MAPKAPK5: variants seen among roughly 807,000 people sequenced by gnomAD.
MAPKAPK5 encodes the protein MAPK activated protein kinase 5.
MAPKAPK5 carries 30 observed loss-of-function variants against 65.1 expected under a neutral mutation model. The ratio of observed to expected loss-of-function variants is 0.46; its 90% CI spans 0.34 to 0.63. The LOEUF is 0.63. MAPKAPK5 is among the 20% of genes least tolerant of loss of function. The pLI is 0.01. For missense variants in MAPKAPK5, 433 were observed against 581.4 expected, an observed-to-expected ratio of 0.74 and a Z score of 2.63; for synonymous variants, 179 against 204.6, an observed-to-expected ratio of 0.87 and a Z score of 1.07.
chr12:111,868,701 T>G (rs1344354714), intron 4 of MAPKAPK5, 52 bp from the exon 5 acceptor site: 4 of 1,387,900 alleles, frequency 2.9e-6, no homozygotes, highest in African/African-American at 3.0e-5. Flanking sequence ...GTTTTTTGTT[T>G]CTTTTTCTTT....
intron 1 of MAPKAPK5, chr12:111,843,386 T>G (rs1355042626): frequency 2.5e-6 from 1 of 397,996 alleles, no homozygotes; most frequent in African/African-American, 2.1e-5. Context: ...AGCAAATGTG[T>G]GTTCGAAAAT....
In MAPKAPK5 at chr12:111,898,792, CAA is replaced by C. The variant is rs2070909961; in HGVS notation, c.*5733_*5734del. ...AATGAGGGAAAGAGGCAGTGGGCCA[CAA>C]AGAACTTTGTCCTTTTCAGAGATCC... On this transcript the variant is annotated 3_prime_UTR_variant, in exon 14 of 14. Transcript: ENST00000550735. The C allele has an allele frequency of 6.6e-6, 1 of 152,102 alleles. No homozygotes were observed. Among genetic ancestry groups the C allele is most frequent in the Non-Finnish European group, 1.5e-5 (1 of 68,016 alleles). 9.4% of individuals were successfully genotyped at this position (152,102 alleles called of 1,614,324 possible).
At chr12:111,857,534 G>C (rs1029912405) in intron 1 of MAPKAPK5, among the ~76,000 whole-genome samples, 1 of 152,158 alleles carries the variant, frequency 6.6e-6, no homozygotes, top group Non-Finnish European at 1.5e-5. Flanking sequence ...GATTACAGAC[G>C]TGAGCCACCG....
rs1043336328 is a variant in MAPKAPK5 at position 111,895,962 on chromosome 12, C to T, written c.*2901C>T. On this transcript the variant is annotated 3_prime_UTR_variant, in exon 14 of 14. Transcript: ENST00000550735. ...TTGTGTTTTTCAGTGAAATGCAAATCTTACAGATCACTTCTTACAGTTAGG... is the reference window on the plus strand; with the variant it reads ...TTGTGTTTTTCAGTGAAATGCAAATTTTACAGATCACTTCTTACAGTTAGG... 1 of 152,158 alleles carries T rather than the reference C, an allele frequency of 6.6e-6. No homozygotes were observed. Among genetic ancestry groups the T allele is most frequent in the African/African-American group, 2.4e-5 (1 of 41,440 alleles). 9.4% of individuals were successfully genotyped at this position (152,158 alleles called of 1,614,324 possible).
At chr12:111,875,204 A>G (rs955144641) in intron 7 of MAPKAPK5, among the ~76,000 whole-genome samples, 3 of 151,654 alleles carry the variant, frequency 2.0e-5, no homozygotes, top group African/African-American at 7.3e-5. Flanking sequence ...TTGAGAGCCT[A>G]AAAGTGGGCA....
At position 111,895,068 on chromosome 12, in the gene MAPKAPK5, A is replaced by G. The variant is rs2070751940; in HGVS notation, c.*2007A>G. On this transcript the variant is annotated 3_prime_UTR_variant, in exon 14 of 14. Coordinates refer to ENST00000550735, the MANE Select transcript of MAPKAPK5 (RefSeq NM_003668.4). Reference sequence around the variant, plus strand: ...TAGATGATAAAAAACAAGTGTCTTAAGAATTACCTTATTACATTGCTTCCT... The same window carrying G: ...TAGATGATAAAAAACAAGTGTCTTAGGAATTACCTTATTACATTGCTTCCT... 6.6e-6 allele frequency: 1 copy of G among 150,888 alleles called. No individual in the cohort carries two copies. The highest frequency in any genetic ancestry group is 2.1e-4 in the South Asian group (1 of 4,748). The allele number at this position is 150,888 out of a possible 1,614,324, so 9.3% of individuals were successfully genotyped here. A position where few individuals can be genotyped will look rare whatever the true frequency, so the allele number is the denominator to read the frequency against.
At position 111,842,737 on chromosome 12, in the gene MAPKAPK5, T is replaced by A; in HGVS notation, c.4T>A (p.Ser2Thr). 1 of 1,363,434 alleles carries A rather than the reference T, an allele frequency of 7.3e-7. No homozygotes were observed. Among genetic ancestry groups the A allele is most frequent in the Non-Finnish European group, 9.5e-7 (1 of 1,051,970 alleles). The allele number at this position is 1,363,434 out of a possible 1,614,324, so 84.5% of individuals were successfully genotyped here. A position where few individuals can be genotyped will look rare whatever the true frequency, so the allele number is the denominator to read the frequency against. The change falls in exon 1 of 14, where the codon TCG (serine) becomes ACG (threonine). Residue 2 changes from serine (S) to threonine (T), a missense_variant. Transcript: ENST00000550735. The part of the protein sequence containing the change: M[S>T]EESDMDKAIK... ...GGCTGTGGGGGCCCCACTGAGTATGTCGGAGGAGAGCGACATGGACAAAGC... is the reference window on the plus strand; with the variant it reads ...GGCTGTGGGGGCCCCACTGAGTATGACGGAGGAGAGCGACATGGACAAAGC...
chr12:111,874,470 G>GTTT (rs79738806), intron 7 of MAPKAPK5, among the ~76,000 whole-genome samples: 5 of 133,396 alleles, frequency 3.7e-5, no homozygotes, highest in East Asian at 4.3e-4. Context: ...TTTGTTTTGG[G>GTTT]TTTTTTTTTT....
intron 4 of MAPKAPK5, among the ~76,000 whole-genome samples, chr12:111,868,339 T>C (rs1164301080): frequency 6.6e-6 from 1 of 152,176 alleles, no homozygotes; most frequent in Non-Finnish European, 1.5e-5. Context: ...GAGGAGCTGC[T>C]AACTATAGTC....
At chr12:111,892,055 A>G (rs2070634128) in intron 13 of MAPKAPK5, among the ~76,000 whole-genome samples, 1 of 152,158 alleles carries the variant, frequency 6.6e-6, no homozygotes, top group African/African-American at 2.4e-5. Flanking sequence ...ATGGAGTCAG[A>G]TAAGTCTGTG....
chr12:111,868,139 T>G (rs1479334101), intron 4 of MAPKAPK5, among the ~76,000 whole-genome samples: 1 of 152,246 alleles, frequency 6.6e-6, no homozygotes, highest in Non-Finnish European at 1.5e-5. Flanking sequence ...AAGAAAGAAA[T>G]CAACATTATT....
Position 111,870,261 on chromosome 12 carries a change from C to G in MAPKAPK5, c.394-10C>G, listed in dbSNP as rs1566250321. ...CTAAGAAGCGACTGTTTCATTGTGT[C>G]TTTTTTCAGATAGCTTTGGCTCTGC... On this transcript the variant is annotated splice_polypyrimidine_tract_variant and intron_variant, in intron 5 of 13. Transcript: ENST00000550735. 3.2e-6 allele frequency: 5 copies of G among 1,585,318 alleles called. No individual in the cohort carries two copies. The highest frequency in any genetic ancestry group is 3.5e-6 in the Non-Finnish European group (4 of 1,157,222).
chr12:111,900,498 T>G lies in MAPKAPK5; in HGVS notation c.*7437T>G. ...CTGCAGCTCTGACTACTTCTACCAG[T>G]TCCTTCGAGAACACAAAGGGGCCTG... On this transcript the variant is annotated 3_prime_UTR_variant, in exon 14 of 14. Transcript: ENST00000550735. 1 of 456,056 alleles carries G rather than the reference T, an allele frequency of 2.2e-6. No homozygotes were observed. Among genetic ancestry groups the G allele is most frequent in the Non-Finnish European group, 4.4e-6 (1 of 226,794 alleles). 28.3% of individuals were successfully genotyped at this position (456,056 alleles called of 1,614,324 possible).
intron 1 of MAPKAPK5, among the ~76,000 whole-genome samples, chr12:111,845,612 T>C (rs1215483650): frequency 1.3e-5 from 2 of 152,124 alleles, no homozygotes; most frequent in Non-Finnish European, 2.9e-5. Context: ...TGAGCAGATA[T>C]ACCCAAATGT....
At chr12:111,882,958 G>T in intron 8 of MAPKAPK5, 1 of 470,516 alleles carries the variant, frequency 2.1e-6, no homozygotes, top group Non-Finnish European at 2.8e-6. Flanking sequence ...TCCTATACCT[G>T]TACACAGGGA....
Position 111,898,399 on chromosome 12 carries a change from C to A in MAPKAPK5, c.*5338C>A, listed in dbSNP as rs1354043427. 6.6e-6 allele frequency: 1 copy of A among 152,144 alleles called. No homozygotes were observed. Among genetic ancestry groups the A allele is most frequent in the African/African-American group, 2.4e-5 (1 of 41,408 alleles). The allele number at this position is 152,144 out of a possible 1,614,324, so 9.4% of individuals were successfully genotyped here. A position where few individuals can be genotyped will look rare whatever the true frequency, so the allele number is the denominator to read the frequency against. On this transcript the variant is annotated 3_prime_UTR_variant, in exon 14 of 14. Coordinates refer to ENST00000550735, the MANE Select transcript of MAPKAPK5 (RefSeq NM_003668.4). ...GGCCAGGCTGGTCTCGAACTCCCGA[C>A]CTCAGGTGATCCGCCTGCCTCGGCC...
At chr12:111,843,297 C>G (rs1566213822) in intron 1 of MAPKAPK5, 1 of 398,490 alleles carries the variant, frequency 2.5e-6, no homozygotes. Flanking sequence ...TTTTCCTCTT[C>G]TTTCTCCTAG....
intron 8 of MAPKAPK5, among the ~76,000 whole-genome samples, chr12:111,881,403 C>CTTTTTTTTTTTTTTTT (rs61349417): frequency 2.7e-5 from 3 of 110,728 alleles, no homozygotes; most frequent in South Asian, 2.8e-4. Context: ...CTGTCTGTTC[C>CTTTTTTTTTTTTTTTT]TTTTTTTTTT....
At position 111,862,231 on chromosome 12, in the gene MAPKAPK5, A is replaced by C. The variant is rs1593142884; in HGVS notation, c.37-3019A>C. ...ATGGCACCATCAACAAAGATGGAAG[A>C]ATTAAGCCTGGGAAAAAGGACAGGA... On this transcript the variant is annotated intron_variant, in intron 1 of 13. Coordinates refer to ENST00000550735, the MANE Select transcript of MAPKAPK5 (RefSeq NM_003668.4). Among the ~76,000 whole-genome samples, 4 of 152,300 alleles carry C rather than the reference A, an allele frequency of 2.6e-5. No individual in the cohort carries two copies. In the South Asian group the frequency reaches 6.2e-4, roughly 24 times the overall value.
Sources: gnomAD v4.1 joint callset for allele counts (sites outside exome capture counted in the v4.1 genomes callset) on GRCh38, gnomAD v4.1.1 for gene constraint, MANE v1.5 for transcripts, NCBI Gene and HGNC (gene_info 2026-07-23, HGNC 2026-07-21) for gene names.